Variants in DEUP1 observed in about 807,000 individuals in gnomAD.
DEUP1 encodes coiled-coil domain containing 67.
In DEUP1, 82 loss-of-function variants were observed where a neutral mutation model predicts 87.4. The observed-to-expected ratio is 0.94, with a 90% CI of 0.78 to 1.13. DEUP1 has a LOEUF of 1.13. Ranked by LOEUF, DEUP1 falls within the 50% of genes most tolerant of loss-of-function variation. DEUP1 has a pLI of 0.00. For missense variants in DEUP1, 663 were observed against 681.5 expected, an observed-to-expected ratio of 0.97 and a Z score of 0.30; for synonymous variants, 214 against 222.7, an observed-to-expected ratio of 0.96 and a Z score of 0.35.
intron 12 of DEUP1, among the ~76,000 whole-genome samples, chr11:93,412,486 AG>A (rs1298466868): frequency 6.6e-6 from 1 of 152,220 alleles, no homozygotes; most frequent in Non-Finnish European, 1.5e-5. Context: ...TTAAAACAAA[AG>A]TACTTTACTT....
intron 11 of DEUP1, among the ~76,000 whole-genome samples, chr11:93,399,778 G>A (rs1947060551): frequency 1.3e-5 from 2 of 151,698 alleles, no homozygotes; most frequent in African/African-American, 4.8e-5. Flanking sequence ...AACAAAAATA[G>A]ATAGTCTTAT....
chr11:93,428,359 A>C (rs12574943), intron 13 of DEUP1, among the ~76,000 whole-genome samples: 52,933 of 149,280 alleles, frequency 0.35, 9,913 homozygotes, highest in African/African-American at 0.48. Context: ...AAAACCAAAC[A>C]CCACATGTTC....
chr11:93,405,672 T>C (rs1440011983), intron 11 of DEUP1, among the ~76,000 whole-genome samples: 1 of 152,046 alleles, frequency 6.6e-6, no homozygotes, highest in Non-Finnish European at 1.5e-5. Flanking sequence ...CTAATATGTA[T>C]GTATTTCTGC....
At position 93,389,059 on chromosome 11, in the gene DEUP1, A is replaced by G; in HGVS notation, c.975A>G (p.Glu325=). 6.2e-7 allele frequency: 1 copy of G among 1,600,126 alleles called. No homozygotes were observed. The highest frequency in any genetic ancestry group is 1.1e-5 in the South Asian group (1 of 87,812). Residue 325 remains glutamate, a synonymous_variant, in exon 9 of 14, where the codon GAA becomes GAG. Transcript: ENST00000298050. ...SSYLPSIKEP[E]RKIKELFSVM... is the part of the protein sequence containing the mutation. ...ATTTGCCTTCTATTAAAGAACCAGA[A>G]AGGAAAATAAAAGAGCTGTTTTCAG...
rs572313031 is a variant in DEUP1, at chr11:93,429,776, T to C, written c.1639-7767T>C. Among the ~76,000 whole-genome samples, 9 of 152,294 alleles carry C rather than the reference T, an allele frequency of 5.9e-5. No individual in the cohort carries two copies. The South Asian group carries it at 1.2e-3, about 21-fold the overall frequency. Reference sequence around the variant, plus strand: ...CATGCAGAAGTATCTGTTGATTTGATTTAATAACATGGGGCTTCCTTCTAT... The same window carrying C: ...CATGCAGAAGTATCTGTTGATTTGACTTAATAACATGGGGCTTCCTTCTAT... On this transcript the variant is annotated intron_variant, in intron 13 of 13. Transcript: ENST00000298050.
chr11:93,335,197 T>G (rs1943693345), intron 2 of DEUP1, among the ~76,000 whole-genome samples: 1 of 144,514 alleles, frequency 6.9e-6, no homozygotes, highest in Non-Finnish European at 1.6e-5. Context: ...TCAAGGGGCA[T>G]TTAGTTATCT....
intron 3 of DEUP1, among the ~76,000 whole-genome samples, chr11:93,356,691 A>T (rs552214574): frequency 6.6e-6 from 1 of 152,288 alleles, no homozygotes; most frequent in African/African-American, 2.4e-5. Flanking sequence ...TCTAACCCTG[A>T]ATTTTAAATG....
chr11:93,368,650 C>A (rs1198044164), intron 5 of DEUP1, among the ~76,000 whole-genome samples: 1 of 152,070 alleles, frequency 6.6e-6, no homozygotes, highest in Admixed American at 6.5e-5. Context: ...TGCTAGAAAC[C>A]ACCAGGCTGG....
In DEUP1 at chr11:93,371,264, AC is replaced by A. The variant is rs781164748; in HGVS notation, c.775del (p.Gln259LysfsTer14). ...AAGCTCTTGCAAGAACTGAAAATGT[AC>A]CAAAGACAGTGCCAGGTGAAGATTA... Reference protein sequence around the residue: ...NQKLLQELKMYQRQCQAMEAG... With the variant: ...NQKLLQELKMXQRQCQAMEAG... On this transcript the variant is annotated frameshift_variant, in exon 7 of 14. Transcript: ENST00000298050. LOFTEE classifies it high-confidence loss of function. 1 of 1,611,928 alleles carries A rather than the reference AC, an allele frequency of 6.2e-7. No individual in the cohort carries two copies. Among genetic ancestry groups the A allele is most frequent in the Non-Finnish European group, 8.5e-7 (1 of 1,179,142 alleles).
intron 7 of DEUP1, among the ~76,000 whole-genome samples, chr11:93,382,756 A>G (rs1946356533): frequency 6.6e-6 from 1 of 152,214 alleles, no homozygotes; most frequent in Admixed American, 6.5e-5. Flanking sequence ...AAGTTATGGG[A>G]GACATTCACA....
chr11:93,389,248 A>G, intron 9 of DEUP1, 123 bp downstream of exon 9: 1 of 649,234 alleles, frequency 1.5e-6, no homozygotes, highest in Non-Finnish European at 2.7e-6. Context: ...TTGTAAGGTG[A>G]TAATCTACCA....
At chr11:93,366,527 GTC>G (rs1447448229) in intron 5 of DEUP1, among the ~76,000 whole-genome samples, 1 of 152,132 alleles carries the variant, frequency 6.6e-6, no homozygotes, top group Non-Finnish European at 1.5e-5. Flanking sequence ...GACAACTCCA[GTC>G]TCTATAAAAA....
chr11:93,411,792 G>T (rs1012107645), intron 12 of DEUP1, among the ~76,000 whole-genome samples: 1 of 152,124 alleles, frequency 6.6e-6, no homozygotes, highest in Non-Finnish European at 1.5e-5. Context: ...GATTTTAAAA[G>T]TTGTATCATG....
At chr11:93,332,336 C>T in intron 2 of DEUP1, 48 bp downstream of exon 2, 1 of 1,481,054 alleles carries the variant, frequency 6.8e-7, no homozygotes, top group Non-Finnish European at 9.3e-7. Flanking sequence ...TTAACTGTGC[C>T]AAAAACTTCC....
intron 9 of DEUP1, among the ~76,000 whole-genome samples, chr11:93,389,852 T>C (rs868508981): frequency 4.5e-4 from 68 of 151,982 alleles, no homozygotes; most frequent in African/African-American, 1.5e-3. Flanking sequence ...CTAGTAAATA[T>C]TGGCTCAGTA....
In DEUP1 at chr11:93,385,652, A is replaced by G. The variant is rs184436141; in HGVS notation, c.935+109A>G. On this transcript the variant is annotated intron_variant, in intron 8 of 13. Coordinates refer to ENST00000298050, the MANE Select transcript of DEUP1 (RefSeq NM_181645.4). ...AGAATATAAAGTCTATTTTGTATTAACATGTTAATTAGTGGGTAATATTAA... is the reference window on the plus strand; with the variant it reads ...AGAATATAAAGTCTATTTTGTATTAGCATGTTAATTAGTGGGTAATATTAA... The G allele has an allele frequency of 4.4e-5, 34 of 768,480 alleles. No individual in the cohort carries two copies. The East Asian group carries it at 9.8e-4, about 22-fold the overall frequency. The allele number at this position is 768,480 out of a possible 1,614,324, so 47.6% of individuals were successfully genotyped here.
At chr11:93,348,156 G>C (rs935949949) in intron 2 of DEUP1, among the ~76,000 whole-genome samples, 1 of 152,096 alleles carries the variant, frequency 6.6e-6, no homozygotes, top group African/African-American at 2.4e-5. Flanking sequence ...ATTCTCTGAC[G>C]GTTATTTGTA....
At chr11:93,350,107 C>T (rs1045050367) in intron 2 of DEUP1, among the ~76,000 whole-genome samples, 1 of 152,176 alleles carries the variant, frequency 6.6e-6, no homozygotes, top group African/African-American at 2.4e-5. Context: ...AGTGATCAAG[C>T]CCTGACCATT....
intron 2 of DEUP1, among the ~76,000 whole-genome samples, chr11:93,342,347 G>A (rs536278371): frequency 1.4e-4 from 22 of 152,218 alleles, no homozygotes; most frequent in African/African-American, 4.6e-4. Context: ...CACCAATAGC[G>A]CACAGTCATT....
Sources: allele counts gnomAD v4.1 joint callset (sites outside exome capture counted in the v4.1 genomes callset), GRCh38; gene constraint gnomAD v4.1.1; transcripts MANE v1.5; gene names NCBI Gene and HGNC (gene_info 2026-07-23, HGNC 2026-07-21).